The following NRXN3 variants were observed in gnomAD, a reference collection of about 807,000 sequenced individuals.
NRXN3 encodes neurexin 3.
A neutral mutation model predicts 137.6 loss-of-function variants in NRXN3; 32 were observed. That is an observed-to-expected ratio of 0.23 (90% confidence interval 0.18 to 0.31). The LOEUF is 0.31. Ranked by LOEUF, NRXN3 falls within the 10% of genes least tolerant of loss-of-function variation. The pLI, the probability that NRXN3 is intolerant of heterozygous loss-of-function variation, is 1.00. For missense variants in NRXN3, 1,574 were observed against 2,062.5 expected (o/e 0.76, Z 4.59); for synonymous variants, 798 against 784.5 (o/e 1.02, Z -0.29).
At chr14:79,251,207 C>T (rs898212711) in intron 15 of NRXN3, among the ~76,000 whole-genome samples, 6 of 152,096 alleles carry the variant, frequency 3.9e-5, no homozygotes, top group African/African-American at 9.7e-5. Context: ...AAGATTTCTC[C>T]GGGGAAATGT....
intron 15 of NRXN3, among the ~76,000 whole-genome samples, chr14:79,346,619 C>T (rs986162492): frequency 1.3e-5 from 2 of 152,126 alleles, no homozygotes; most frequent in Admixed American, 6.5e-5. Flanking sequence ...TACCCCTCTG[C>T]CCCTAAGGTC....
At chr14:78,232,581 C>T (rs888953258) in intron 1 of NRXN3, among the ~76,000 whole-genome samples, 4 of 152,130 alleles carry the variant, frequency 2.6e-5, no homozygotes, top group South Asian at 2.1e-4. Flanking sequence ...TCCCCTTACC[C>T]GCTTTGTGGG....
chr14:78,693,551 C>T lies in NRXN3; in HGVS notation c.1222-15666C>T, dbSNP rs2098193945. 2.6e-5 allele frequency among the ~76,000 whole-genome samples: 4 copies of T among 151,832 alleles called. No individual in the cohort carries two copies. The South Asian group carries it at 8.3e-4, about 32-fold the overall frequency. ...TTTATTTTCTTCACGCATTTCTCCCCAAACACACATATCATCCCCAAGCCA... is the reference window on the plus strand; with the variant it reads ...TTTATTTTCTTCACGCATTTCTCCCTAAACACACATATCATCCCCAAGCCA... On this transcript the variant is annotated intron_variant, in intron 6 of 20. Transcript: ENST00000335750.
intron 10 of NRXN3, among the ~76,000 whole-genome samples, chr14:78,856,752 C>CA (rs2099058293): frequency 1.3e-5 from 2 of 152,034 alleles, no homozygotes; most frequent in Admixed American, 6.6e-5. Flanking sequence ...TTTCTTGAGA[C>CA]AGAGTCTCAG....
rs959613943 is a variant in NRXN3, at chr14:78,970,913, C to T, written c.3142+2567C>T. Among the ~76,000 whole-genome samples, 9 of 152,246 alleles carry T rather than the reference C, an allele frequency of 5.9e-5. No individual in the cohort carries two copies. In the East Asian group the frequency reaches 9.6e-4, roughly 16 times the overall value. On this transcript the variant is annotated intron_variant, in intron 14 of 20. Transcript: ENST00000335750. ...TCTATTGCCATGGAGATAATTACAA[C>T]GGTTACCCACTGAGCATTATGCCTA...
At chr14:79,761,625 G>A (rs556081830) in intron 19 of NRXN3, among the ~76,000 whole-genome samples, 9 of 147,716 alleles carry the variant, frequency 6.1e-5, no homozygotes, top group African/African-American at 1.3e-4. Flanking sequence ...CCCGGGAGGC[G>A]GAGCTTGCCA....
At chr14:78,570,530 C>T (rs537171426) in intron 4 of NRXN3, among the ~76,000 whole-genome samples, 1 of 152,252 alleles carries the variant, frequency 6.6e-6, no homozygotes, top group Non-Finnish European at 1.5e-5. Context: ...CAGGTTAATT[C>T]TGGTTCTAAG....
At chr14:79,135,462 C>T (rs1269202363) in intron 15 of NRXN3, among the ~76,000 whole-genome samples, 1 of 152,090 alleles carries the variant, frequency 6.6e-6, no homozygotes, top group East Asian at 1.9e-4. Context: ...AACAGTGGTC[C>T]TACTATCCCT....
At chr14:78,391,916 G>A (rs1318966717) in intron 4 of NRXN3, among the ~76,000 whole-genome samples, 1 of 151,998 alleles carries the variant, frequency 6.6e-6, no homozygotes, top group Non-Finnish European at 1.5e-5. Context: ...GATGAGGTGT[G>A]GTTCTTCCAG....
chr14:78,579,452 CT>C (rs2096969485), intron 4 of NRXN3, among the ~76,000 whole-genome samples: 2 of 151,840 alleles, frequency 1.3e-5, no homozygotes, highest in Non-Finnish European at 2.9e-5. Context: ...TCAGATTTAA[CT>C]GCTAACCATT....
intron 15 of NRXN3, among the ~76,000 whole-genome samples, chr14:79,322,754 A>G (rs542405015): frequency 1.3e-5 from 2 of 152,352 alleles, no homozygotes; most frequent in African/African-American, 2.4e-5. Flanking sequence ...TCAGTTGACC[A>G]CAGATTCAAT....
chr14:79,136,625 C>T (rs142736639), intron 15 of NRXN3, among the ~76,000 whole-genome samples: 21 of 152,260 alleles, frequency 1.4e-4, no homozygotes, highest in African/African-American at 4.1e-4. Context: ...TGCTAAGTCC[C>T]GGCCTGCTCC....
At chr14:79,573,498 G>A (rs185601738) in intron 16 of NRXN3, among the ~76,000 whole-genome samples, 1 of 151,996 alleles carries the variant, frequency 6.6e-6, no homozygotes, top group Non-Finnish European at 1.5e-5. Flanking sequence ...CTGTCAATTT[G>A]TGGAAGTTAG....
intron 16 of NRXN3, among the ~76,000 whole-genome samples, chr14:79,564,783 A>C (rs1281155389): frequency 6.6e-6 from 1 of 152,150 alleles, no homozygotes; most frequent in Non-Finnish European, 1.5e-5. Flanking sequence ...AGTTGTGTTC[A>C]TGGGGAACAA....
intron 4 of NRXN3, among the ~76,000 whole-genome samples, chr14:78,383,494 C>A (rs2089480583): frequency 6.6e-6 from 1 of 152,046 alleles, no homozygotes; most frequent in Admixed American, 6.5e-5. Context: ...ATTTATCTAC[C>A]TTTAATCTAA....
At chr14:79,376,986 A>G (rs2094320810) in intron 15 of NRXN3, among the ~76,000 whole-genome samples, 1 of 152,192 alleles carries the variant, frequency 6.6e-6, no homozygotes, top group Non-Finnish European at 1.5e-5. Context: ...ATTTTCTTTT[A>G]TGATACAAAG....
At chr14:79,128,918 G>C (rs1037762631) in intron 15 of NRXN3, among the ~76,000 whole-genome samples, 42 of 151,956 alleles carry the variant, frequency 2.8e-4, no homozygotes, top group South Asian at 8.4e-4. Context: ...GAGTGTATGT[G>C]TCGAGGAATT....
intron 15 of NRXN3, among the ~76,000 whole-genome samples, chr14:79,113,317 AG>A (rs1448683880): frequency 6.6e-6 from 1 of 152,194 alleles, no homozygotes; most frequent in Non-Finnish European, 1.5e-5. Context: ...ATACTGGGGC[AG>A]TCTAACTTGG....
chr14:78,284,812 A>G (rs1259679797), intron 3 of NRXN3, among the ~76,000 whole-genome samples: 2 of 152,084 alleles, frequency 1.3e-5, no homozygotes, highest in Non-Finnish European at 2.9e-5. Flanking sequence ...GATCCCAGCC[A>G]TTGTTCTCAA....
Sources: allele counts gnomAD v4.1 joint callset (sites outside exome capture counted in the v4.1 genomes callset), GRCh38; gene constraint gnomAD v4.1.1; transcripts MANE v1.5; gene names NCBI Gene and HGNC (gene_info 2026-07-23, HGNC 2026-07-21).